SF3B3: variants seen among roughly 807,000 people sequenced by gnomAD.
SF3B3 encodes SAP 130.
SF3B3 carries 33 observed loss-of-function variants against 139.2 expected under a neutral mutation model. The observed-to-expected ratio is 0.24, with a 90% confidence interval of 0.18 to 0.32. The LOEUF is 0.32. Ranked by LOEUF, SF3B3 falls within the 10% of genes least tolerant of loss-of-function variation. SF3B3 has a pLI of 1.00. For missense variants in SF3B3, 818 were observed against 1,509.4 expected (o/e 0.54, Z 7.59); for synonymous variants, 596 against 563.6 (o/e 1.06, Z -0.81).
chr16:70,565,230 C>A lies in SF3B3; in HGVS notation c.2629C>A (p.Leu877Met). ...GATGAATCCCATTCAAGGGAACACACTGGACCTTGTCCAGCTGGAACAGAA... is the reference window on the plus strand; with the variant it reads ...GATGAATCCCATTCAAGGGAACACAATGGACCTTGTCCAGCTGGAACAGAA... ...RVMNPIQGNT[L>M]DLVQLEQNEA... The change falls in exon 19 of 26, where the codon CTG becomes ATG. Residue 877 changes from leucine (L) to methionine (M), a missense_variant. Leu to Met is a conservative substitution (Grantham distance 15, BLOSUM62 2). Transcript: ENST00000302516. 1 of 1,614,216 alleles carries A rather than the reference C, an allele frequency of 6.2e-7. No individual in the cohort carries two copies. The highest frequency in any genetic ancestry group is 1.1e-5 in the South Asian group (1 of 91,086).
intron 11 of SF3B3, among the ~76,000 whole-genome samples, chr16:70,552,111 C>T (rs1273826171): frequency 6.6e-6 from 1 of 152,148 alleles, no homozygotes; most frequent in Non-Finnish European, 1.5e-5. Context: ...AAAGGCACCC[C>T]TCCTCCCTTC....
At chr16:70,533,895 A>T (rs1364509393) in intron 5 of SF3B3, among the ~76,000 whole-genome samples, 1 of 152,212 alleles carries the variant, frequency 6.6e-6, no homozygotes, top group East Asian at 1.9e-4. Context: ...GGGCTTTTTC[A>T]TTCTTTCAAC....
chr16:70,530,998 T>A, intron 4 of SF3B3, 81 bp downstream of exon 4: 1 of 1,291,020 alleles, frequency 7.7e-7, no homozygotes, highest in Non-Finnish European at 1.1e-6. Context: ...CCGGGCGTGG[T>A]GGCTCACGCC....
chr16:70,528,267 C>T (rs758940393), intron 2 of SF3B3, among the ~76,000 whole-genome samples: 9 of 148,698 alleles, frequency 6.1e-5, no homozygotes, highest in Admixed American at 2.1e-4. Context: ...CAGGTTCAAG[C>T]GATTCTCCTG....
chr16:70,537,874 G>T, intron 6 of SF3B3: 1 of 361,324 alleles, frequency 2.8e-6, no homozygotes, highest in East Asian at 7.3e-5. Flanking sequence ...AGGAGTTAGA[G>T]ACCAGTCTGG....
intron 4 of SF3B3, 129 bp downstream of exon 4, chr16:70,531,046 C>T (rs776717448): frequency 1.3e-6 from 1 of 756,130 alleles, no homozygotes; most frequent in Non-Finnish European, 2.2e-6. Context: ...GCTGGCGGAT[C>T]ATGAGGTCAG....
rs566256558 is a variant in SF3B3 at position 70,535,750 on chromosome 16, GT to G, written c.825+343del. The stretch of plus-strand genomic sequence containing the variant: ...GATAGGTTGCCTTTTATTCTATTTG[GT>G]TTTTTTTTTTTTCCAACATTTTTAT... On this transcript the variant is annotated intron_variant, in intron 6 of 25. Coordinates refer to ENST00000302516, the MANE Select transcript of SF3B3 (RefSeq NM_012426.5). 8.9e-3 allele frequency among the ~76,000 whole-genome samples: 1,265 copies of G among 142,032 alleles called. 21 individuals carry two copies. The highest frequency in any genetic ancestry group is 0.029 in the African/African-American group (1,120 of 39,120). 93.2% of individuals were successfully genotyped at this position (142,032 alleles called of 152,430 possible). A position where few individuals can be genotyped will look rare whatever the true frequency, so the allele number is the denominator to read the frequency against.
At chr16:70,528,561 C>A (rs955036994) in intron 2 of SF3B3, among the ~76,000 whole-genome samples, 1 of 149,266 alleles carries the variant, frequency 6.7e-6, no homozygotes, top group Non-Finnish European at 1.5e-5. Context: ...ATTCTCTGAA[C>A]TCCTGGGTTC....
At chr16:70,532,372 A>AAAAAAAT in intron 4 of SF3B3, 107 bp from the exon 5 acceptor site, 1 of 894,702 alleles carries the variant, frequency 1.1e-6, no homozygotes, top group Non-Finnish European at 1.7e-6. Flanking sequence ...AAAAAAGAAG[A>AAAAAAAT]CATTTGTGGA....
Position 70,571,946 on chromosome 16 carries a change from C to G in SF3B3, c.*133C>G. 9.4e-7 allele frequency: 1 copy of G among 1,067,632 alleles called. No individual in the cohort carries two copies. 66.1% of individuals were successfully genotyped at this position (1,067,632 alleles called of 1,614,324 possible). On this transcript the variant is annotated 3_prime_UTR_variant, in exon 26 of 26. Coordinates refer to ENST00000302516, the MANE Select transcript of SF3B3 (RefSeq NM_012426.5). ...AAGACTGCATTATGAAAGTCAACAG[C>G]TCTTTCCCCTCAGCTCTTCTCCTGG...
chr16:70,554,531 C>T lies in SF3B3; in HGVS notation c.1488C>T (p.Asp496=). 6.2e-7 allele frequency: 1 copy of T among 1,614,156 alleles called. No homozygotes were observed. Among genetic ancestry groups the T allele is most frequent in the Non-Finnish European group, 8.5e-7 (1 of 1,179,990 alleles). ...GAGAAACTGTAGAAGAAGTGACTGA[C>T]TCTGGGTTCCTGGGGACCACCCCGA... ...SIGETVEEVT[D]SGFLGTTPTL... Residue 496 remains aspartate, a synonymous_variant, in exon 12 of 26, where the codon GAC becomes GAT. Coordinates refer to ENST00000302516, the MANE Select transcript of SF3B3 (RefSeq NM_012426.5).
chr16:70,556,328 T>G lies in SF3B3; in HGVS notation c.1860T>G (p.Asp620Glu), dbSNP rs1316529609. ...VDNTVRIISL[D>E]PSDCLQPLSM... ...ACACTGTCAGAATCATCTCCCTGGA[T>G]CCCTCAGTGAGTGACACTCTGAGCT... The change falls in exon 14 of 26, where the codon GAT becomes GAG. Residue 620 changes from aspartate (D) to glutamate (E), a missense_variant. Asp to Glu is a conservative substitution (Grantham distance 45). This residue lies in a region of SF3B3 where 170 missense variants were observed against 353.0 expected (regional missense o/e 0.48). Coordinates refer to ENST00000302516, the MANE Select transcript of SF3B3 (RefSeq NM_012426.5). The G allele has an allele frequency of 2.5e-6, 4 of 1,614,154 alleles. No individual in the cohort carries two copies. Among genetic ancestry groups the G allele is most frequent in the Non-Finnish European group, 2.5e-6 (3 of 1,180,026 alleles).
chr16:70,567,262 C>A (rs2050485624), intron 20 of SF3B3, 149 bp from the exon 21 acceptor site: 1 of 817,956 alleles, frequency 1.2e-6, no homozygotes, highest in Non-Finnish European at 1.9e-6. Context: ...ACTTGTTCAC[C>A]CCAACACCCA....
chr16:70,538,980 G>C (rs1005661989), intron 7 of SF3B3, 124 bp from the exon 8 acceptor site: 13 of 722,784 alleles, frequency 1.8e-5, no homozygotes, highest in Middle Eastern at 5.9e-4. Flanking sequence ...CCATGAGCCG[G>C]AGTTTGTTGA....
intron 16 of SF3B3, 63 bp downstream of exon 16, chr16:70,560,654 A>G: frequency 6.4e-7 from 1 of 1,574,248 alleles, no homozygotes; most frequent in Non-Finnish European, 8.7e-7. Context: ...ATCTGAGAAC[A>G]ATCTTTGCTG....
At chr16:70,554,962 T>G in intron 12 of SF3B3, 89 bp from the exon 13 acceptor site, 1 of 1,311,728 alleles carries the variant, frequency 7.6e-7, no homozygotes, top group Non-Finnish European at 1.1e-6. Context: ...CCAGGTCTGA[T>G]TTTAGTGACA....
At chr16:70,541,912 G>A (rs2050221924) in intron 9 of SF3B3, 78 bp downstream of exon 9, 9 of 1,288,116 alleles carry the variant, frequency 7.0e-6, no homozygotes, top group Non-Finnish European at 9.7e-6. Flanking sequence ...AGCTTTATTA[G>A]TATTTCCATG....
In SF3B3 at chr16:70,556,254, C is replaced by A. The variant is rs2050378847; in HGVS notation, c.1786C>A (p.Pro596Thr). Reference sequence around the variant, plus strand: ...GGTGTGCATGAGTCTGGCCAATGTACCCCCTGGAGAGCAGCGGTCTCGCTT... The same window carrying A: ...GGTGTGCATGAGTCTGGCCAATGTAACCCCTGGAGAGCAGCGGTCTCGCTT... Reference protein sequence around the residue: ...DVVCMSLANVPPGEQRSRFLA... With the variant: ...DVVCMSLANVTPGEQRSRFLA... The change falls in exon 14 of 26, where the codon CCC (proline) becomes ACC (threonine). Residue 596 changes from proline to threonine, a missense_variant. Pro to Thr is a conservative substitution (Grantham distance 38). This residue lies in a region of SF3B3 where 170 missense variants were observed against 353.0 expected (regional missense o/e 0.48). Coordinates refer to ENST00000302516, the MANE Select transcript of SF3B3 (RefSeq NM_012426.5). 1 of 1,614,140 alleles carries A rather than the reference C, an allele frequency of 6.2e-7. No homozygotes were observed. Among genetic ancestry groups the A allele is most frequent in the Non-Finnish European group, 8.5e-7 (1 of 1,179,992 alleles).
intron 5 of SF3B3, among the ~76,000 whole-genome samples, chr16:70,533,401 C>G (rs906722663): frequency 6.6e-6 from 1 of 152,096 alleles, no homozygotes; most frequent in Non-Finnish European, 1.5e-5. Context: ...TACTGTGCCG[C>G]TCTCTGAGTC....
Sources: gnomAD v4.1 joint callset for allele counts (sites outside exome capture counted in the v4.1 genomes callset) on GRCh38, gnomAD v4.1.1 for gene constraint, gnomAD v4.1.1 regional missense constraint, MANE v1.5 for transcripts, NCBI Gene and HGNC (gene_info 2026-07-23, HGNC 2026-07-21) for gene names.